TPD52: variants seen among roughly 807,000 people sequenced by gnomAD.
TPD52 encodes the protein tumor protein D52, also known as prostate and colon associated protein.
TPD52 carries 17 observed loss-of-function variants against 31.3 expected under a neutral mutation model. The ratio of observed to expected loss-of-function variants is 0.54; its 90% CI spans 0.37 to 0.82. The LOEUF (loss-of-function observed/expected upper bound fraction) is 0.82. TPD52 is among the 40% of genes least tolerant of loss of function. The pLI, the probability that TPD52 is intolerant of heterozygous loss-of-function variation, is 0.00. For missense variants in TPD52, 212 were observed against 240.1 expected (o/e 0.88, Z 0.77); for synonymous variants, 83 against 89.6 (o/e 0.93, Z 0.42).
At chr8:80,129,435 T>C (rs144688202) in intron 1 of TPD52, among the ~76,000 whole-genome samples, 13 of 152,306 alleles carry the variant, frequency 8.5e-5, no homozygotes, top group African/African-American at 2.9e-4. Flanking sequence ...TGCTAAGACA[T>C]TGACACGAAC....
intron 1 of TPD52, among the ~76,000 whole-genome samples, chr8:80,106,528 T>C (rs1343231135): frequency 6.6e-6 from 1 of 151,716 alleles, no homozygotes; most frequent in Non-Finnish European, 1.5e-5. Flanking sequence ...GGCTAATTTT[T>C]TGTAGTTTTA....
chr8:80,086,906 A>AAAAAC (rs1815843368), intron 1 of TPD52, among the ~76,000 whole-genome samples: 2 of 139,260 alleles, frequency 1.4e-5, no homozygotes, highest in Admixed American at 7.1e-5. Context: ...AAAAAAAAAA[A>AAAAAC]AAATCAAATT....
At chr8:80,116,651 G>T (rs951348590) in intron 1 of TPD52, among the ~76,000 whole-genome samples, 4 of 151,972 alleles carry the variant, frequency 2.6e-5, no homozygotes, top group Non-Finnish European at 2.9e-5. Context: ...CAGTCTATGA[G>T]GCCAGTATTA....
intron 1 of TPD52, among the ~76,000 whole-genome samples, chr8:80,102,685 CAG>C (rs1468649308): frequency 6.6e-6 from 1 of 152,128 alleles, no homozygotes; most frequent in Non-Finnish European, 1.5e-5. Flanking sequence ...CCAGAGTGAT[CAG>C]AGTGTCTTTG....
intron 1 of TPD52, among the ~76,000 whole-genome samples, chr8:80,146,450 C>T (rs903130196): frequency 1.3e-5 from 2 of 152,196 alleles, no homozygotes; most frequent in Admixed American, 6.5e-5. Flanking sequence ...TATGATTTTC[C>T]TAGCAACTCC....
chr8:80,044,654 C>A (rs1810676870), intron 5 of TPD52, among the ~76,000 whole-genome samples: 1 of 152,068 alleles, frequency 6.6e-6, no homozygotes, highest in African/African-American at 2.4e-5. Flanking sequence ...GACAAGGAGG[C>A]AACTGCCCAC....
chr8:80,140,097 G>A (rs1210215354), intron 1 of TPD52, among the ~76,000 whole-genome samples: 1 of 152,222 alleles, frequency 6.6e-6, no homozygotes, highest in Non-Finnish European at 1.5e-5. Context: ...GTCCAGCTGT[G>A]ACACACAGAC....
intron 1 of TPD52, among the ~76,000 whole-genome samples, chr8:80,065,639 G>A (rs1246185577): frequency 6.6e-6 from 1 of 151,994 alleles, no homozygotes; most frequent in African/African-American, 2.4e-5. Flanking sequence ...CAAATTCAAA[G>A]AACCCATGAT....
rs185231342 is a variant in TPD52, at chr8:80,092,316, C to T, written c.20-27723G>A. ...CTAACCTCGTTTTATCCTCCCCCCACCCACTGACACATCTTCCCAGCACAG... is the reference window on the plus strand; with the variant it reads ...CTAACCTCGTTTTATCCTCCCCCCATCCACTGACACATCTTCCCAGCACAG... On this transcript the variant is annotated intron_variant, in intron 1 of 7. Transcript: ENST00000518937. Among the ~76,000 whole-genome samples, 437 of 152,302 alleles carry T rather than the reference C, an allele frequency of 2.9e-3. 3 individuals carry two copies. The highest frequency in any genetic ancestry group is 0.013 in the South Asian group (64 of 4,822).
chr8:80,111,588 A>G (rs898341710), intron 1 of TPD52, among the ~76,000 whole-genome samples: 5 of 152,236 alleles, frequency 3.3e-5, no homozygotes. Context: ...ATTTTTTAAG[A>G]TCTTGATCAT....
chr8:80,103,417 C>T (rs993592939), intron 1 of TPD52, among the ~76,000 whole-genome samples: 1 of 152,234 alleles, frequency 6.6e-6, no homozygotes, highest in Non-Finnish European at 1.5e-5. Context: ...TCCCCTCTTG[C>T]CCCTGTGGGC....
chr8:80,069,118 T>C (rs1190458712), intron 1 of TPD52, among the ~76,000 whole-genome samples: 2 of 152,074 alleles, frequency 1.3e-5, no homozygotes, highest in African/African-American at 4.8e-5. Context: ...TGCACAGGAG[T>C]GTTATGATCA....
chr8:80,032,991 T>A (rs903918788), downstream of TPD52: 1 of 152,432 alleles, frequency 6.6e-6, no homozygotes, highest in Non-Finnish European at 1.5e-5. Context: ...GAGGGGTGCG[T>A]GAGCAAGTGA....
intron 1 of TPD52, among the ~76,000 whole-genome samples, chr8:80,118,766 A>G (rs1808045593): frequency 1.3e-5 from 2 of 152,194 alleles, no homozygotes; most frequent in Non-Finnish European, 2.9e-5. Flanking sequence ...AGAAGACAAT[A>G]ATAAGTGTTG....
At chr8:80,162,529 A>G (rs535785126) in intron 1 of TPD52, among the ~76,000 whole-genome samples, 1 of 152,278 alleles carries the variant, frequency 6.6e-6, no homozygotes, top group East Asian at 1.9e-4. Flanking sequence ...AGACTGAGGC[A>G]GAAGGACTCC....
At chr8:80,102,616 A>G (rs1480835848) in intron 1 of TPD52, among the ~76,000 whole-genome samples, 1 of 152,126 alleles carries the variant, frequency 6.6e-6, no homozygotes. Context: ...GATATTGCAA[A>G]ATATATATTT....
chr8:80,144,993 T>C (rs952863214), intron 1 of TPD52, among the ~76,000 whole-genome samples: 1 of 152,178 alleles, frequency 6.6e-6, no homozygotes, highest in Admixed American at 6.5e-5. Flanking sequence ...CTGTGGGTTA[T>C]TTTTTAATTC....
intron 1 of TPD52, among the ~76,000 whole-genome samples, chr8:80,102,820 G>A (rs1806840438): frequency 6.6e-6 from 1 of 152,160 alleles, no homozygotes; most frequent in African/African-American, 2.4e-5. Flanking sequence ...CCAACTTGTT[G>A]GGAGGGGAGA....
At chr8:80,160,643 A>G (rs1460204021) in intron 1 of TPD52, among the ~76,000 whole-genome samples, 4 of 152,080 alleles carry the variant, frequency 2.6e-5, no homozygotes, top group Admixed American at 2.6e-4. Context: ...AGCACTTTCC[A>G]CTACTGTCAA....
Sources: gnomAD v4.1 joint callset for allele counts (sites outside exome capture counted in the v4.1 genomes callset) on GRCh38, gnomAD v4.1.1 for gene constraint, MANE v1.5 for transcripts, NCBI Gene and HGNC (gene_info 2026-07-23, HGNC 2026-07-21) for gene names.